P2RX3: variants seen among roughly 807,000 people sequenced by gnomAD.
P2RX3 encodes the protein purinergic receptor P2X 3, also known as P2X purinoceptor 3.
P2RX3 carries 41 observed loss-of-function variants against 51.5 expected under a neutral mutation model. The ratio of observed to expected loss-of-function variants is 0.80; its 90% CI spans 0.62 to 1.03. The LOEUF is 1.03. Among genes scored for constraint, P2RX3 ranks in the 50% least tolerant of loss-of-function variants. P2RX3 has a pLI of 0.00. For missense variants in P2RX3, 459 were observed against 522.1 expected (o/e 0.88, Z 1.18); for synonymous variants, 185 against 191.6 (o/e 0.97, Z 0.29).
At chr11:57,352,211 AT>A (rs1328500664) in intron 8 of P2RX3, among the ~76,000 whole-genome samples, 2 of 152,356 alleles carry the variant, frequency 1.3e-5, no homozygotes, top group East Asian at 1.9e-4. Context: ...ACTTAAAAAA[AT>A]AATCACCCAC....
At position 57,371,384 on chromosome 11, in the gene P2RX3, T is replaced by A. The variant is rs546378593; in HGVS notation, c.*1387T>A. ...CAAGTGAATGAGCCTAAAGAATGTT[T>A]CAATAGCTTCATGATAAATCTGCAT... is the stretch of plus-strand genomic sequence containing the variant. On this transcript the variant is annotated 3_prime_UTR_variant, in exon 12 of 12. Coordinates refer to ENST00000263314, the MANE Select transcript of P2RX3 (RefSeq NM_002559.5). Among the ~76,000 whole-genome samples the A allele has an allele frequency of 1.3e-5, 2 of 152,352 alleles. No homozygotes were observed. Among genetic ancestry groups the A allele is most frequent in the East Asian group, 3.9e-4 (2 of 5,190 alleles).
At position 57,348,272 on chromosome 11, in the gene P2RX3, C is replaced by T. The variant is rs757613465; in HGVS notation, c.485+9C>T. ...GTGGACACAGTGGAAACGTAAGGCTCCAAGCCAGACAGGAGGAGACAGGCC... is the reference window on the plus strand; with the variant it reads ...GTGGACACAGTGGAAACGTAAGGCTTCAAGCCAGACAGGAGGAGACAGGCC... On this transcript the variant is annotated intron_variant, in intron 5 of 11. Coordinates refer to ENST00000263314, the MANE Select transcript of P2RX3 (RefSeq NM_002559.5). 3.3e-5 allele frequency: 53 copies of T among 1,592,010 alleles called. No individual in the cohort carries two copies. The highest frequency in any genetic ancestry group is 2.3e-5 in the East Asian group (1 of 44,178).
intron 1 of P2RX3, 46 bp from the exon 2 acceptor site, chr11:57,346,498 T>C (rs1237843556): frequency 5.0e-6 from 8 of 1,604,694 alleles, no homozygotes; most frequent in Non-Finnish European, 6.8e-6. Context: ...GTCTGCTGGG[T>C]CTATGGACTC....
At chr11:57,355,619 G>A (rs879384187) in intron 8 of P2RX3, among the ~76,000 whole-genome samples, 13 of 152,140 alleles carry the variant, frequency 8.5e-5, no homozygotes, top group East Asian at 3.8e-4. Context: ...GGGATTATAC[G>A]CGTGAGCTAC....
upstream of P2RX3, among the ~76,000 whole-genome samples, chr11:57,336,522 C>T (rs187238069): frequency 6.6e-6 from 1 of 152,316 alleles, no homozygotes; most frequent in East Asian, 1.9e-4. Flanking sequence ...CATTTTGCAA[C>T]ATCAGAGACC....
At chr11:57,368,230 A>G in intron 9 of P2RX3, 128 bp downstream of exon 9, 1 of 1,297,108 alleles carries the variant, frequency 7.7e-7, no homozygotes, top group Non-Finnish European at 1.1e-6. Context: ...TCAGTGGGTC[A>G]CTCTCCCATC....
Position 57,338,454 on chromosome 11 carries a change from T to C in P2RX3, c.-97T>C. The C allele has an allele frequency of 2.7e-6, 2 of 733,670 alleles. No individual in the cohort carries two copies. Among genetic ancestry groups the C allele is most frequent in the Admixed American group, 1.9e-5 (1 of 53,154 alleles). The allele number at this position is 733,670 out of a possible 1,614,324, so 45.4% of individuals were successfully genotyped here. On this transcript the variant is annotated 5_prime_UTR_variant, in exon 1 of 12. Transcript: ENST00000263314. ...CCTCCAACCCCTCTAAGCTGCCCCC[T>C]CCAGGTCGTGATCTCGTCTCCCTGT...
At chr11:57,346,010 T>C (rs972373617) in intron 1 of P2RX3, among the ~76,000 whole-genome samples, 12 of 152,238 alleles carry the variant, frequency 7.9e-5, no homozygotes, top group Admixed American at 1.3e-4. Context: ...AGGACCTTTA[T>C]TGATTTGTTT....
chr11:57,368,874 G>T (rs997879471), intron 10 of P2RX3, among the ~76,000 whole-genome samples: 1 of 152,102 alleles, frequency 6.6e-6, no homozygotes. Context: ...TCACCCCTAG[G>T]AGCTGGGAAG....
Position 57,348,117 on chromosome 11 carries a change from G to A in P2RX3, c.392-53G>A, listed in dbSNP as rs1269599489. 3.4e-6 allele frequency: 5 copies of A among 1,457,348 alleles called. No homozygotes were observed. In the Admixed American group the frequency reaches 6.3e-5, roughly 18 times the overall value. The allele number at this position is 1,457,348 out of a possible 1,614,324, so 90.3% of individuals were successfully genotyped here. On this transcript the variant is annotated intron_variant, in intron 4 of 11. Coordinates refer to ENST00000263314, the MANE Select transcript of P2RX3 (RefSeq NM_002559.5). Reference sequence around the variant, plus strand: ...GGGAAGGGAAGAGGGAGGAAGGAAAGGGAGAGGAGCAAAGGGCAGGCAGCC... The same window carrying A: ...GGGAAGGGAAGAGGGAGGAAGGAAAAGGAGAGGAGCAAAGGGCAGGCAGCC...
At chr11:57,360,821 AAAAG>A (rs1288054620) in intron 8 of P2RX3, among the ~76,000 whole-genome samples, 1 of 151,214 alleles carries the variant, frequency 6.6e-6, no homozygotes, top group African/African-American at 2.4e-5. Context: ...AAAAGAAAGA[AAAAG>A]AAACAGCGAG....
chr11:57,346,845 G>C (rs140175412), intron 2 of P2RX3, among the ~76,000 whole-genome samples, 166 bp downstream of exon 2: 5 of 152,348 alleles, frequency 3.3e-5, no homozygotes, highest in African/African-American at 1.2e-4. Flanking sequence ...GAGAGCTTGG[G>C]CCTGCGGTGC....
In P2RX3 at chr11:57,348,160, C is replaced by CA; in HGVS notation, c.392-10_392-9insA. On this transcript the variant is annotated splice_polypyrimidine_tract_variant and intron_variant, in intron 4 of 11. Transcript: ENST00000263314. ...AGGCAGCCACCCAGCAGCTGTGGCT[C>CA]TCACTTTAGGGATCCTCACTGGCCG... The CA allele has an allele frequency of 1.3e-6, 2 of 1,570,758 alleles. No individual in the cohort carries two copies. Among genetic ancestry groups the CA allele is most frequent in the Non-Finnish European group, 1.7e-6 (2 of 1,156,586 alleles).
intron 1 of P2RX3, among the ~76,000 whole-genome samples, 168 bp downstream of exon 1, chr11:57,338,837 T>C (rs1351240021): frequency 6.6e-6 from 1 of 152,196 alleles, no homozygotes; most frequent in African/African-American, 2.4e-5. Flanking sequence ...CACCCCCACC[T>C]AGGGCCTAAA....
intron 8 of P2RX3, among the ~76,000 whole-genome samples, chr11:57,353,398 C>T (rs188801539): frequency 5.6e-4 from 85 of 152,256 alleles, no homozygotes; most frequent in African/African-American, 1.6e-3. Flanking sequence ...TGTTAAATAA[C>T]ATTCTCAAAG....
At chr11:57,351,856 A>T (rs1856554139) in intron 8 of P2RX3, among the ~76,000 whole-genome samples, 1 of 152,166 alleles carries the variant, frequency 6.6e-6, no homozygotes, top group South Asian at 2.1e-4. Flanking sequence ...TTTCTTTTTA[A>T]TTGATAAATA....
intron 8 of P2RX3, among the ~76,000 whole-genome samples, chr11:57,353,845 C>A (rs1005225123): frequency 1.5e-4 from 21 of 136,044 alleles, no homozygotes; most frequent in African/African-American, 3.8e-4. Context: ...ACTCCCCCCC[C>A]CCCGCCCCTA....
At chr11:57,367,452 G>A (rs1234427736) in intron 8 of P2RX3, among the ~76,000 whole-genome samples, 1 of 152,208 alleles carries the variant, frequency 6.6e-6, no homozygotes, top group Non-Finnish European at 1.5e-5. Flanking sequence ...CGGACGCGGT[G>A]GCTCACCCCT....
At chr11:57,355,334 C>CTTTT (rs1201675322) in intron 8 of P2RX3, among the ~76,000 whole-genome samples, 46 of 117,284 alleles carry the variant, frequency 3.9e-4, no homozygotes, top group South Asian at 8.4e-4. Context: ...TATTTTATTT[C>CTTTT]TTTTTTTTTT....
Sources: gnomAD v4.1 joint callset for allele counts (sites outside exome capture counted in the v4.1 genomes callset) on GRCh38, gnomAD v4.1.1 for gene constraint, MANE v1.5 for transcripts, NCBI Gene and HGNC (gene_info 2026-07-23, HGNC 2026-07-21) for gene names.